POMT2: variants seen among roughly 807,000 people sequenced by gnomAD.
POMT2 encodes protein O-mannosyltransferase 2.
A neutral mutation model predicts 100.0 loss-of-function variants in POMT2; 75 were observed. That is an observed-to-expected ratio of 0.75 (90% confidence interval 0.62 to 0.91). The LOEUF (loss-of-function observed/expected upper bound fraction) is 0.91, where lower values mean the gene tolerates loss of function less well. POMT2 is among the 40% of genes least tolerant of loss of function. The pLI is 0.00. For synonymous variants in POMT2, 378 were observed against 374.1 expected, an observed-to-expected ratio of 1.01 and a Z score of -0.12; for missense variants, 940 against 955.1, an observed-to-expected ratio of 0.98 and a Z score of 0.21.
At chr14:77,316,566 T>TAAAA (rs60771363) in intron 1 of POMT2, among the ~76,000 whole-genome samples, 2 of 77,570 alleles carry the variant, frequency 2.6e-5, no homozygotes, top group African/African-American at 5.4e-5. Context: ...ATCTCATCTC[T>TAAAA]AAAAAAAAAA....
At chr14:77,296,407 G>T in intron 8 of POMT2, 134 bp from the exon 9 acceptor site, 1 of 672,634 alleles carries the variant, frequency 1.5e-6, no homozygotes, top group Non-Finnish European at 2.7e-6. Context: ...CTGAAGCCCA[G>T]CTACCTTCTC....
chr14:77,289,897 C>A (rs1890577794), intron 10 of POMT2, among the ~76,000 whole-genome samples: 1 of 152,188 alleles, frequency 6.6e-6, no homozygotes, highest in South Asian at 2.1e-4. Flanking sequence ...GATACCAACA[C>A]ACTATAAATT....
chr14:77,310,064 G>C (rs771473155), intron 2 of POMT2, among the ~76,000 whole-genome samples: 1 of 152,186 alleles, frequency 6.6e-6, no homozygotes, highest in Non-Finnish European at 1.5e-5. Flanking sequence ...AAAAAAGAAC[G>C]GGCAGTCCCC....
chr14:77,288,310 A>C (rs778309235), intron 11 of POMT2, among the ~76,000 whole-genome samples: 1 of 152,224 alleles, frequency 6.6e-6, no homozygotes, highest in Non-Finnish European at 1.5e-5. Context: ...AACACTGGTT[A>C]AATAAGCTAG....
chr14:77,295,590 C>T (rs952003332), intron 9 of POMT2, among the ~76,000 whole-genome samples: 4 of 149,198 alleles, frequency 2.7e-5, no homozygotes, highest in African/African-American at 9.9e-5. Context: ...TGAGATCACG[C>T]CACTGCACTC....
At chr14:77,299,927 A>T in intron 6 of POMT2, 1 of 321,150 alleles carries the variant, frequency 3.1e-6, no homozygotes, top group Non-Finnish European at 6.1e-6. Flanking sequence ...GTCCCAGCCC[A>T]ACCCATCACA....
chr14:77,301,685 C>T lies in POMT2; in HGVS notation c.657-436G>A, dbSNP rs950192919. On this transcript the variant is annotated intron_variant, in intron 5 of 20. Coordinates refer to ENST00000261534, the MANE Select transcript of POMT2 (RefSeq NM_013382.7). ...TATGCGTCACGCATCATTCCAAGTA[C>T]GATGCATATATTAACTCTTCTAGCC... Among the ~76,000 whole-genome samples, 5 of 152,126 alleles carry T rather than the reference C, an allele frequency of 3.3e-5. No individual in the cohort carries two copies. The East Asian group carries it at 5.8e-4, about 18-fold the overall frequency.
chr14:77,311,365 C>T (rs767330370), intron 2 of POMT2, among the ~76,000 whole-genome samples: 23 of 152,182 alleles, frequency 1.5e-4, no homozygotes, highest in Admixed American at 7.9e-4. Context: ...ATAACATCCA[C>T]CATTTTAAAG....
At chr14:77,316,848 T>C (rs1174599900) in intron 1 of POMT2, among the ~76,000 whole-genome samples, 6 of 152,174 alleles carry the variant, frequency 3.9e-5, no homozygotes, top group Admixed American at 1.3e-4. Context: ...GCAGTAAGGA[T>C]TGAAGCATTT....
intron 10 of POMT2, among the ~76,000 whole-genome samples, chr14:77,290,472 G>A (rs1467107115): frequency 1.3e-5 from 2 of 152,232 alleles, no homozygotes; most frequent in African/African-American, 4.8e-5. Context: ...GTGAGCAGCT[G>A]CCCATTTCTC....
At position 77,320,724 on chromosome 14, in the gene POMT2, TTGTC is replaced by T. The variant is rs368351148; in HGVS notation, c.-47_-44del. 0.022 allele frequency: 35,302 copies of T among 1,580,120 alleles called. 514 individuals carry two copies. The highest frequency in any genetic ancestry group is 0.027 in the Non-Finnish European group (31,896 of 1,172,788). The stretch of plus-strand genomic sequence containing the variant: ...TCGCCCTCCGGCCCGGAGGCACACT[TTGTC>T]TGACCAGCCGCCCCGCCAAGGAGTC... On this transcript the variant is annotated 5_prime_UTR_variant, in exon 1 of 21. Coordinates refer to ENST00000261534, the MANE Select transcript of POMT2 (RefSeq NM_013382.7).
rs144063292 is a variant in POMT2, at chr14:77,292,161, C to T, written c.1117-781G>A. Among the ~76,000 whole-genome samples, 284 of 152,210 alleles carry T rather than the reference C, an allele frequency of 1.9e-3. 1 individual carries two copies. Among genetic ancestry groups the T allele is most frequent in the African/African-American group, 6.4e-3 (267 of 41,528 alleles). On this transcript the variant is annotated intron_variant, in intron 9 of 20. Transcript: ENST00000261534. ...ATATCCTGTCCTAGAATTTAACTCA[C>T]GTTTTATACAAAAAATCTGGAAACA...
At chr14:77,278,982 T>C (rs539758427) in intron 18 of POMT2, 113 bp from the exon 19 acceptor site, 10 of 1,374,512 alleles carry the variant, frequency 7.3e-6, no homozygotes, top group Middle Eastern at 1.8e-4. Context: ...TCATATCACC[T>C]CATTGGACCA....
intron 1 of POMT2, among the ~76,000 whole-genome samples, chr14:77,315,755 T>C (rs1016977152): frequency 6.6e-6 from 1 of 152,244 alleles, no homozygotes; most frequent in Non-Finnish European, 1.5e-5. Context: ...CTCATGCCTG[T>C]AATCCCAACC....
intron 1 of POMT2, among the ~76,000 whole-genome samples, chr14:77,318,082 A>G (rs1249487397): frequency 2.6e-5 from 4 of 152,204 alleles, no homozygotes. Flanking sequence ...GGTAGGACAC[A>G]CTCATTATGT....
At position 77,280,023 on chromosome 14, in the gene POMT2, G is replaced by A; in HGVS notation, c.1783C>T (p.Pro595Ser). The A allele has an allele frequency of 6.2e-7, 1 of 1,614,036 alleles. No individual in the cohort carries two copies. The highest frequency in any genetic ancestry group is 8.5e-7 in the Non-Finnish European group (1 of 1,180,018). ...TDFRVYLLGNPVVWWLNLLSI... is the reference protein window; with the variant it reads ...TDFRVYLLGNSVVWWLNLLSI... The stretch of plus-strand genomic sequence containing the variant: ...GCCGGGAATGTTTAGGCACTCACCG[G>A]GTTGCCAAGCAGATAGACTCGGAAA... The change falls in exon 17 of 21, where the codon CCG (proline) becomes TCG (serine). Residue 595 changes from proline to serine, a missense_variant and splice_region_variant. Physicochemically the swap from Pro to Ser is moderately conservative, Grantham distance 74. Transcript: ENST00000261534.
Position 77,320,855 on chromosome 14 carries a change from C to T in POMT2, c.-174G>A. 6.1e-6 allele frequency: 8 copies of T among 1,304,354 alleles called. No individual in the cohort carries two copies. Among genetic ancestry groups the T allele is most frequent in the Non-Finnish European group, 7.9e-6 (8 of 1,016,554 alleles). The allele number at this position is 1,304,354 out of a possible 1,614,324, so 80.8% of individuals were successfully genotyped here. The stretch of plus-strand genomic sequence containing the variant: ...GCGGGGCGGGCAGCGTGGTCGCGGC[C>T]CGGGCCGCTAGGAGGCGGCAGGAGG... On this transcript the variant is annotated 5_prime_UTR_variant, in exon 1 of 21. Transcript: ENST00000261534.
chr14:77,294,494 TTG>T (rs1890752245), intron 9 of POMT2, among the ~76,000 whole-genome samples: 1 of 152,214 alleles, frequency 6.6e-6, no homozygotes, highest in Non-Finnish European at 1.5e-5. Context: ...AGTAATTTTT[TTG>T]TATTTTTAGT....
intron 20 of POMT2, among the ~76,000 whole-genome samples, 176 bp from the exon 21 acceptor site, chr14:77,277,657 G>A (rs1253001332): frequency 1.3e-5 from 2 of 152,240 alleles, no homozygotes; most frequent in Non-Finnish European, 2.9e-5. Flanking sequence ...GGAGAGCTTA[G>A]TAGATGCTGA....
Sources: allele counts gnomAD v4.1 joint callset (sites outside exome capture counted in the v4.1 genomes callset), GRCh38; gene constraint gnomAD v4.1.1; transcripts MANE v1.5; gene names NCBI Gene and HGNC (gene_info 2026-07-23, HGNC 2026-07-21).